The following CRAMP1 variants were observed in gnomAD, a reference collection of about 807,000 sequenced individuals.
CRAMP1 encodes the protein protein cramped-like.
A neutral mutation model predicts 115.4 loss-of-function variants in CRAMP1; 50 were observed. The ratio of observed to expected loss-of-function variants is 0.43; its 90% CI spans 0.35 to 0.55. The LOEUF is 0.55. Among genes scored for constraint, CRAMP1 ranks in the 20% least tolerant of loss-of-function variants. The pLI, the probability that CRAMP1 is intolerant of heterozygous loss-of-function variation, is 0.01. For missense variants in CRAMP1, 1,679 were observed against 1,721.7 expected (o/e 0.98, Z 0.44); for synonymous variants, 866 against 745.4 (o/e 1.16, Z -2.64).
In CRAMP1 at chr16:1,662,557, T is replaced by C. The variant is rs2036841451; in HGVS notation, c.2481T>C (p.Asp827=). ...GPSSTGSNDS[D]GGLFAVPTTL... is the part of the protein sequence containing the mutation. ...CCAGCACAGGAAGCAATGACTCAGATGGAGGCCTTTTTGCTGTCCCGACAA... is the reference window on the plus strand; with the variant it reads ...CCAGCACAGGAAGCAATGACTCAGACGGAGGCCTTTTTGCTGTCCCGACAA... Residue 827 remains aspartate, a synonymous_variant, in exon 12 of 21, where the codon GAT becomes GAC. Transcript: ENST00000397412. The C allele has an allele frequency of 1.9e-6, 3 of 1,613,978 alleles. No homozygotes were observed. Among genetic ancestry groups the C allele is most frequent in the Non-Finnish European group, 2.5e-6 (3 of 1,179,860 alleles).
At chr16:1,653,582 C>A (rs1028829862) in intron 8 of CRAMP1, among the ~76,000 whole-genome samples, 2 of 152,174 alleles carry the variant, frequency 1.3e-5, no homozygotes, top group African/African-American at 2.4e-5. Flanking sequence ...ATAATCCCAG[C>A]GCTTTGGGAG....
chr16:1,612,890 C>T (rs1010130348), intron 1 of CRAMP1, among the ~76,000 whole-genome samples: 15 of 152,036 alleles, frequency 9.9e-5, no homozygotes, highest in Admixed American at 6.5e-5. Context: ...GTTGGAGGTT[C>T]TCGCGAAAAG....
chr16:1,644,583 T>C (rs2036658226), intron 6 of CRAMP1, among the ~76,000 whole-genome samples: 1 of 151,758 alleles, frequency 6.6e-6, no homozygotes, highest in African/African-American at 2.4e-5. Flanking sequence ...GCCTGGGGCG[T>C]TTAGGGAAGC....
intron 17 of CRAMP1, 57 bp downstream of exon 17, chr16:1,667,457 G>T: frequency 7.4e-7 from 1 of 1,346,118 alleles, no homozygotes; most frequent in Admixed American, 1.7e-5. Flanking sequence ...TCCCTCCAGT[G>T]CCCTGAGCTG....
chr16:1,667,247 CCT>C, intron 16 of CRAMP1, 86 bp from the exon 17 acceptor site: 2 of 1,061,374 alleles, frequency 1.9e-6, no homozygotes, highest in Non-Finnish European at 2.9e-6. Context: ...GGATGGAACG[CCT>C]CTTTTTCTGG....
Position 1,646,957 on chromosome 16 carries a change from C to T in CRAMP1, c.828-5539C>T, listed in dbSNP as rs118070956. 1.5e-3 allele frequency: 1,044 copies of T among 692,746 alleles called. 14 individuals carry two copies. In the East Asian group the frequency reaches 0.026, roughly 17 times the overall value. 42.9% of individuals were successfully genotyped at this position (692,746 alleles called of 1,614,324 possible). A position where few individuals can be genotyped will look rare whatever the true frequency, so the allele number is the denominator to read the frequency against. On this transcript the variant is annotated intron_variant, in intron 6 of 20. Coordinates refer to ENST00000397412, the MANE Select transcript of CRAMP1 (RefSeq NM_020825.4). ...CTTGTCAAACATCAGTTGACTGTAC[C>T]GTGTGGTTCCATTCTGGACCTTCTG...
In CRAMP1 at chr16:1,614,969, G is replaced by T; in HGVS notation, c.330G>T (p.Ser110=). 1 of 1,254,872 alleles carries T rather than the reference G, an allele frequency of 8.0e-7. No homozygotes were observed. 77.7% of individuals were successfully genotyped at this position (1,254,872 alleles called of 1,614,324 possible). ...SAVGSGNAGG[S]GPRGKGAEGG... ...TGGGGAGCGGCAACGCCGGTGGCTC[G>T]GGGCCCCGCGGAAAAGGTAGGGCGG... Residue 110 remains serine (S), a synonymous_variant, in exon 2 of 21, where the codon TCG becomes TCT. Coordinates refer to ENST00000397412, the MANE Select transcript of CRAMP1 (RefSeq NM_020825.4). This position sits in a 1 kb window ranked among gnomAD's most constrained non-coding sequence, Gnocchi z 4.4.
Position 1,659,881 on chromosome 16 carries a change from C to A in CRAMP1, c.2236-5C>A. On this transcript the variant is annotated splice_polypyrimidine_tract_variant and splice_region_variant and intron_variant, in intron 10 of 20. Coordinates refer to ENST00000397412, the MANE Select transcript of CRAMP1 (RefSeq NM_020825.4). ...TGGACATTGTTTGGCCCATTTCTGT[C>A]CTAGGCTCTGGAAGCAAACACCATC... 6.2e-7 allele frequency: 1 copy of A among 1,613,274 alleles called. No individual in the cohort carries two copies.
chr16:1,647,181 G>T (rs2036682398), intron 6 of CRAMP1: 3 of 619,482 alleles, frequency 4.8e-6, no homozygotes, highest in Non-Finnish European at 8.7e-6. Context: ...TCAATTAACT[G>T]TGAATCTTCT....
rs2036892359 is a variant in CRAMP1, at chr16:1,668,148, A to T, written c.3289A>T (p.Ile1097Phe). Reference sequence around the variant, plus strand: ...GTCACAGGGCGAGCCTGCCACACACATTAGCGACTCCATCATTGAGATCGC... The same window carrying T: ...GTCACAGGGCGAGCCTGCCACACACTTTAGCGACTCCATCATTGAGATCGC... ...ALSQGEPATHISDSIIEIAIS... is the reference protein window; with the variant it reads ...ALSQGEPATHFSDSIIEIAIS... The change falls in exon 18 of 21, where the codon ATT (isoleucine) becomes TTT (phenylalanine). Residue 1097 changes from isoleucine to phenylalanine, a missense_variant. Physicochemically the swap from Ile to Phe is conservative, Grantham distance 21 (BLOSUM62 0). Transcript: ENST00000397412. 6.2e-7 allele frequency: 1 copy of T among 1,613,532 alleles called. No individual in the cohort carries two copies.
chr16:1,673,796 C>G, intron 20 of CRAMP1, 85 bp from the exon 21 acceptor site: 1 of 1,294,286 alleles, frequency 7.7e-7, no homozygotes, highest in South Asian at 1.3e-5. Context: ...TCGATAGGAG[C>G]TTCTCGTCCT....
chr16:1,658,327 G>A (rs2036794104), intron 10 of CRAMP1, among the ~76,000 whole-genome samples: 1 of 152,190 alleles, frequency 6.6e-6, no homozygotes, highest in Non-Finnish European at 1.5e-5. Flanking sequence ...GGACCAGAAA[G>A]ACAGTGTCTT....
In CRAMP1 at chr16:1,670,815, T is replaced by C. The variant is rs1313830340; in HGVS notation, c.3645+6T>C. 6.2e-7 allele frequency: 1 copy of C among 1,613,372 alleles called. No individual in the cohort carries two copies. Among genetic ancestry groups the C allele is most frequent in the Non-Finnish European group, 8.5e-7 (1 of 1,179,538 alleles). On this transcript the variant is annotated splice_donor_region_variant and intron_variant, in intron 20 of 20. Coordinates refer to ENST00000397412, the MANE Select transcript of CRAMP1 (RefSeq NM_020825.4). ...CCCTGGCTGACGTTGCAGAGGTGAG[T>C]GCATTGACCTCACAGCTGCACCTGA...
At chr16:1,633,394 T>C (rs1034723270) in intron 4 of CRAMP1, among the ~76,000 whole-genome samples, 18 of 152,396 alleles carry the variant, frequency 1.2e-4, no homozygotes, top group African/African-American at 4.3e-4. Context: ...TCACCGTTTC[T>C]GGAGATCCAT....
intron 17 of CRAMP1, among the ~76,000 whole-genome samples, 170 bp downstream of exon 17, chr16:1,667,570 A>G (rs1404082702): frequency 6.6e-6 from 1 of 152,130 alleles, no homozygotes; most frequent in Non-Finnish European, 1.5e-5. Context: ...ATAAATGAAT[A>G]TGGCTGTCCG....
Position 1,614,919 on chromosome 16 carries a change from C to T in CRAMP1, c.280C>T (p.Pro94Ser). The T allele has an allele frequency of 2.3e-6, 3 of 1,301,780 alleles. No individual in the cohort carries two copies. The highest frequency in any genetic ancestry group is 1.9e-6 in the Non-Finnish European group (2 of 1,025,970). The allele number at this position is 1,301,780 out of a possible 1,614,324, so 80.6% of individuals were successfully genotyped here. The change falls in exon 2 of 21, where the codon CCC becomes TCC. Residue 94 changes from proline (P) to serine (S), a missense_variant. Pro to Ser is a moderately conservative substitution (Grantham distance 74, BLOSUM62 -1). Coordinates refer to ENST00000397412, the MANE Select transcript of CRAMP1 (RefSeq NM_020825.4). This position sits in a 1 kb window ranked among gnomAD's most constrained non-coding sequence, Gnocchi z 4.4. ...RSSVRPQSKR[P>S]RKDPPSAVGS... ...CAGCGTGCGGCCGCAGAGCAAGAGGCCCAGGAAGGATCCTCCGAGCGCTGT... is the reference window on the plus strand; with the variant it reads ...CAGCGTGCGGCCGCAGAGCAAGAGGTCCAGGAAGGATCCTCCGAGCGCTGT...
chr16:1,614,682 C>A lies in CRAMP1; in HGVS notation c.43C>A (p.Leu15Ile). The A allele has an allele frequency of 7.6e-7, 1 of 1,319,574 alleles. No individual in the cohort carries two copies. The allele number at this position is 1,319,574 out of a possible 1,614,324, so 81.7% of individuals were successfully genotyped here. Residue 15 changes from leucine to isoleucine, a missense_variant, in exon 2 of 21, where the codon CTC (leucine) becomes ATC (isoleucine). This residue lies in a region of CRAMP1 where 264 missense variants were observed against 229.7 expected (regional missense o/e 1.15). Transcript: ENST00000397412. This position sits in a 1 kb window ranked among gnomAD's most constrained non-coding sequence, Gnocchi z 4.4. Reference protein sequence around the residue: ...LGDGGSGEDGLKKLGKRAADE... With the variant: ...LGDGGSGEDGIKKLGKRAADE... ...CGACGGCGGCAGCGGGGAGGACGGG[C>A]TCAAGAAGCTGGGCAAGCGGGCGGC...
In CRAMP1 at chr16:1,665,893, T is replaced by C; in HGVS notation, c.2753-180T>C. 6.7e-6 allele frequency: 4 copies of C among 593,440 alleles called. No homozygotes were observed. In the South Asian group the frequency reaches 7.9e-5, roughly 12 times the overall value. The allele number at this position is 593,440 out of a possible 1,614,324, so 36.8% of individuals were successfully genotyped here. A position where few individuals can be genotyped will look rare whatever the true frequency, so the allele number is the denominator to read the frequency against. ...GTGGGTGCCAGAGCTTGTGTCACGT[T>C]GGGGGCCTGTGTGACCTCTGACTCC... On this transcript the variant is annotated intron_variant, in intron 14 of 20. Coordinates refer to ENST00000397412, the MANE Select transcript of CRAMP1 (RefSeq NM_020825.4).
intron 6 of CRAMP1, 59 bp from the exon 7 acceptor site, chr16:1,652,437 C>A: frequency 6.9e-7 from 1 of 1,456,830 alleles, no homozygotes; most frequent in South Asian, 1.2e-5. Flanking sequence ...CGTGTGCTGG[C>A]CCTTCCGTCC....
Sources: allele counts gnomAD v4.1 joint callset (sites outside exome capture counted in the v4.1 genomes callset), GRCh38; gene constraint gnomAD v4.1.1; regional missense constraint gnomAD v4.1.1; non-coding constraint Gnocchi (gnomAD v3.1); transcripts MANE v1.5; gene names NCBI Gene and HGNC (gene_info 2026-07-23, HGNC 2026-07-21).